NOD1: variants seen among roughly 807,000 people sequenced by gnomAD.
NOD1 encodes nucleotide binding oligomerization domain containing 1, also known as nucleotide-binding oligomerization domain-containing protein 1.
A neutral mutation model predicts 81.2 loss-of-function variants in NOD1; 70 were observed. The observed-to-expected ratio is 0.86, with a 90% CI of 0.71 to 1.05. NOD1 has a LOEUF of 1.05. Among genes scored for constraint, NOD1 ranks in the 50% least tolerant of loss-of-function variants. The probability of loss-of-function intolerance (pLI) is 0.00; values close to 1 mark genes in which losing one functional copy is unlikely to be tolerated. For missense variants in NOD1, 1,233 were observed against 1,228.0 expected, an observed-to-expected ratio of 1.00 and a Z score of -0.06; for synonymous variants, 508 against 526.9, an observed-to-expected ratio of 0.96 and a Z score of 0.49.
intron 9 of NOD1, among the ~76,000 whole-genome samples, chr7:30,445,479 C>T (rs905370962): frequency 9.9e-5 from 15 of 152,032 alleles, no homozygotes; most frequent in East Asian, 9.7e-4. Context: ...GAAATCCTGG[C>T]GGGGCACGGT....
At chr7:30,458,461 T>A (rs1222946320) in intron 3 of NOD1, among the ~76,000 whole-genome samples, 1 of 152,228 alleles carries the variant, frequency 6.6e-6, no homozygotes, top group Non-Finnish European at 1.5e-5. Flanking sequence ...GCCACATCTG[T>A]TAACATTCAG....
Position 30,424,991 on chromosome 7 carries a change from C to T in NOD1, c.*647G>A, listed in dbSNP as rs563369540. The T allele has an allele frequency of 6.6e-6, 1 of 152,588 alleles. No homozygotes were observed. The highest frequency in any genetic ancestry group is 2.4e-5 in the African/African-American group (1 of 41,560). 9.5% of individuals were successfully genotyped at this position (152,588 alleles called of 1,614,324 possible). A position where few individuals can be genotyped will look rare whatever the true frequency, so the allele number is the denominator to read the frequency against. On this transcript the variant is annotated 3_prime_UTR_variant, in exon 14 of 14. Transcript: ENST00000222823. ...GGCATTCTCTATCTTTGCCAGCAGA[C>T]AGTGAGACTCCAGGATTAAAATTAA...
chr7:30,457,263 G>A (rs1176362574), intron 3 of NOD1, among the ~76,000 whole-genome samples: 1 of 152,094 alleles, frequency 6.6e-6, no homozygotes, highest in Non-Finnish European at 1.5e-5. Flanking sequence ...ACCAACCTGT[G>A]CAACATAGTG....
In NOD1 at chr7:30,449,057, G is replaced by A. The variant is rs554791827; in HGVS notation, c.2202-676C>T. Reference sequence around the variant, plus strand: ...TGTCACAGCTACTCAACTGTGTAGTGTGAAGCAGCCAGTAAGTAAATAAAT... The same window carrying A: ...TGTCACAGCTACTCAACTGTGTAGTATGAAGCAGCCAGTAAGTAAATAAAT... On this transcript the variant is annotated intron_variant, in intron 6 of 13. Transcript: ENST00000222823. Among the ~76,000 whole-genome samples, 4 of 152,328 alleles carry A rather than the reference G, an allele frequency of 2.6e-5. No homozygotes were observed. The South Asian group carries it at 8.3e-4, about 32-fold the overall frequency.
In NOD1 at chr7:30,452,646, G is replaced by T; in HGVS notation, c.771C>A (p.His257Gln). Residue 257 changes from histidine to glutamine, a missense_variant, in exon 6 of 14, where the codon CAC becomes CAA. Physicochemically the swap from His to Gln is conservative, Grantham distance 24. Transcript: ENST00000222823. ...CGGGGTCCCGCTCTGGGTAGCAGTA[G>T]TGCTTGAAGAGCAGGTCCTGCAGAC... ...RLCLQDLLFK[H>Q]YCYPERDPEE... 1 of 1,613,830 alleles carries T rather than the reference G, an allele frequency of 6.2e-7. No homozygotes were observed. Among genetic ancestry groups the T allele is most frequent in the Non-Finnish European group, 8.5e-7 (1 of 1,180,042 alleles).
At position 30,446,164 on chromosome 7, in the gene NOD1, G is replaced by A; in HGVS notation, c.2430C>T (p.Asn810=). Reference sequence around the variant, plus strand: ...ACCCAACCTCAGAGATTGATTTGCTGTTCTTCACAGCCAGGGCGAGATACT... The same window carrying A: ...ACCCAACCTCAGAGATTGATTTGCTATTCTTCACAGCCAGGGCGAGATACT... ...GGKYLALAVK[N]SKSISEVGMW... The change falls in exon 9 of 14, where the codon AAC becomes AAT. Residue 810 remains asparagine, a synonymous_variant. Coordinates refer to ENST00000222823, the MANE Select transcript of NOD1 (RefSeq NM_006092.4). 1 of 1,613,956 alleles carries A rather than the reference G, an allele frequency of 6.2e-7. No individual in the cohort carries two copies. The highest frequency in any genetic ancestry group is 8.5e-7 in the Non-Finnish European group (1 of 1,179,864).
At chr7:30,456,168 G>A (rs529603835) in intron 4 of NOD1, among the ~76,000 whole-genome samples, 1 of 152,342 alleles carries the variant, frequency 6.6e-6, no homozygotes, top group South Asian at 2.1e-4. Flanking sequence ...TCATAAATGA[G>A]TTGTGTCATT....
intron 1 of NOD1, among the ~76,000 whole-genome samples, chr7:30,474,020 C>T (rs1048061085): frequency 3.3e-5 from 5 of 152,170 alleles, no homozygotes; most frequent in African/African-American, 1.2e-4. Context: ...TATGTAAATG[C>T]TATTCTTATT....
intron 9 of NOD1, among the ~76,000 whole-genome samples, chr7:30,438,313 C>T (rs1192166339): frequency 6.6e-6 from 1 of 152,226 alleles, no homozygotes; most frequent in African/African-American, 2.4e-5. Flanking sequence ...TGGTGGACTC[C>T]TGACCCGGCT....
intron 11 of NOD1, among the ~76,000 whole-genome samples, chr7:30,434,067 A>G (rs935059332): frequency 2.0e-5 from 3 of 152,234 alleles, no homozygotes; most frequent in Non-Finnish European, 4.4e-5. Context: ...AGAATGAGGT[A>G]GAATGAGGAG....
At chr7:30,434,436 C>A (rs1784217515) in intron 11 of NOD1, among the ~76,000 whole-genome samples, 1 of 152,124 alleles carries the variant, frequency 6.6e-6, no homozygotes, top group Non-Finnish European at 1.5e-5. Context: ...CTATGATGCA[C>A]AGGACAGCCC....
At chr7:30,470,748 CA>C (rs1381778222) in intron 1 of NOD1, among the ~76,000 whole-genome samples, 1 of 152,102 alleles carries the variant, frequency 6.6e-6, no homozygotes, top group African/African-American at 2.4e-5. Flanking sequence ...ACAAAGTTCC[CA>C]AAACACTGCA....
At chr7:30,426,232 C>T (rs1170261351) in intron 13 of NOD1, among the ~76,000 whole-genome samples, 1 of 151,998 alleles carries the variant, frequency 6.6e-6, no homozygotes, top group African/African-American at 2.4e-5. Flanking sequence ...CAGTTACCTG[C>T]TTGGCATCCT....
chr7:30,436,024 C>T lies in NOD1; in HGVS notation c.2595G>A (p.Gln865=), dbSNP rs1784348577. ...EGGKSLARAL[Q]QNTSLEILWL... is the part of the protein sequence containing the mutation. ...ACAGTATTTCTAGAGACGTGTTCTG[C>T]TGCAGGGCCCTCGCAAGGCTCTTTC... The change falls in exon 11 of 14, where the codon CAG becomes CAA. Residue 865 remains glutamine (Q), a synonymous_variant. Coordinates refer to ENST00000222823, the MANE Select transcript of NOD1 (RefSeq NM_006092.4). 6.2e-7 allele frequency: 1 copy of T among 1,613,968 alleles called. No homozygotes were observed. Among genetic ancestry groups the T allele is most frequent in the Non-Finnish European group, 8.5e-7 (1 of 1,179,918 alleles).
intron 9 of NOD1, among the ~76,000 whole-genome samples, 190 bp from the exon 10 acceptor site, chr7:30,437,846 T>A (rs1353259623): frequency 6.6e-6 from 1 of 152,102 alleles, no homozygotes; most frequent in South Asian, 2.1e-4. Flanking sequence ...GATTTCAAAT[T>A]CAAGGGGTGA....
intron 1 of NOD1, among the ~76,000 whole-genome samples, chr7:30,475,512 C>T (rs1788676786): frequency 6.6e-6 from 1 of 152,174 alleles, no homozygotes; most frequent in Non-Finnish European, 1.5e-5. Flanking sequence ...AATTTCCATG[C>T]AGTATAATAC....
intron 1 of NOD1, among the ~76,000 whole-genome samples, chr7:30,474,738 T>C (rs34655613): frequency 0.14 from 21,886 of 152,186 alleles, 1,842 homozygotes; most frequent in East Asian, 0.23. Context: ...GGCCTAGGGA[T>C]TGGGGACCCC....
intron 9 of NOD1, among the ~76,000 whole-genome samples, chr7:30,439,758 C>T (rs1479714831): frequency 6.1e-5 from 4 of 65,398 alleles, no homozygotes; most frequent in Non-Finnish European, 1.1e-4. Flanking sequence ...CCCACCACAG[C>T]TCAAGGAGGC....
chr7:30,446,395 C>T (rs1387492599), intron 8 of NOD1, 171 bp from the exon 9 acceptor site: 1 of 617,432 alleles, frequency 1.6e-6, no homozygotes, highest in Non-Finnish European at 2.9e-6. Context: ...GGAACTGAAG[C>T]CCTGAGGACA....
Sources: allele counts gnomAD v4.1 joint callset (sites outside exome capture counted in the v4.1 genomes callset), GRCh38; gene constraint gnomAD v4.1.1; transcripts MANE v1.5; gene names NCBI Gene and HGNC (gene_info 2026-07-23, HGNC 2026-07-21).